The following ESAM variants were observed in gnomAD, a reference collection of about 807,000 sequenced individuals.
ESAM encodes the protein endothelial cell adhesion molecule.
ESAM carries 23 observed loss-of-function variants against 31.8 expected under a neutral mutation model. That is an observed-to-expected ratio of 0.72 (90% confidence interval 0.52 to 1.03). ESAM has a LOEUF of 1.03. Among genes scored for constraint, ESAM ranks in the 50% least tolerant of loss-of-function variants. ESAM has a pLI of 0.00. For synonymous variants in ESAM, 216 were observed against 207.2 expected (o/e 1.04, Z -0.37); for missense variants, 478 against 488.9 (o/e 0.98, Z 0.21).
rs1254340764 is a variant in ESAM at position 124,762,101 on chromosome 11, C to G, written c.54G>C (p.Leu18=). The change falls in exon 1 of 7, where the codon CTG becomes CTC. Residue 18 remains leucine (L), a synonymous_variant. Transcript: ENST00000278927. The surrounding 1 kb of genome is among the most constrained non-coding windows in gnomAD (Gnocchi z 6.4). ...TTCACTCACCGAGGGCACTCAGCCC[C>G]AGGAACAAAAACCGCAGCAAGTTGG... is the stretch of plus-strand genomic sequence containing the variant. The part of the protein sequence containing the change: ...LVTNLLRFLF[L]GLSALAPPSR... 1.2e-6 allele frequency: 2 copies of G among 1,610,260 alleles called. No individual in the cohort carries two copies. The highest frequency in any genetic ancestry group is 3.3e-5 in the Admixed American group (2 of 59,848).
Position 124,758,418 on chromosome 11 carries a change from C to T in ESAM, c.180G>A (p.Val60=). The change falls in exon 2 of 7, where the codon GTG becomes GTA. Residue 60 remains valine (V), a synonymous_variant. Transcript: ENST00000278927. ...GCACCTCCCATGGCTGGGATGAAGACACCTCCCCGTGCAAGGTGTACCACG... is the reference window on the plus strand; with the variant it reads ...GCACCTCCCATGGCTGGGATGAAGATACCTCCCCGTGCAAGGTGTACCACG... ...LPAWYTLHGE[V]SSSQPWEVPF... is the part of the protein sequence containing the mutation. 6.2e-7 allele frequency: 1 copy of T among 1,614,142 alleles called. No individual in the cohort carries two copies. Among genetic ancestry groups the T allele is most frequent in the Non-Finnish European group, 8.5e-7 (1 of 1,180,020 alleles).
At chr11:124,760,122 T>C (rs1008405283) in intron 1 of ESAM, among the ~76,000 whole-genome samples, 5 of 152,198 alleles carry the variant, frequency 3.3e-5, no homozygotes, top group African/African-American at 9.6e-5. Context: ...TTAAAAGAGA[T>C]AGTAACGGAC....
Position 124,754,051 on chromosome 11 carries a change from C to A in ESAM, c.858-90G>T. ...TGCTTGGTCTTATATACCACCTCTGCCTGCACACTTCAGTACTCCTTTCCC... is the reference window on the plus strand; with the variant it reads ...TGCTTGGTCTTATATACCACCTCTGACTGCACACTTCAGTACTCCTTTCCC... On this transcript the variant is annotated intron_variant, in intron 6 of 6. Transcript: ENST00000278927. The surrounding 1 kb of genome is among the most constrained non-coding windows in gnomAD (Gnocchi z 4.5). 6.4e-7 allele frequency: 1 copy of A among 1,560,978 alleles called. No individual in the cohort carries two copies. The highest frequency in any genetic ancestry group is 1.2e-5 in the South Asian group (1 of 84,128).
At position 124,754,025 on chromosome 11, in the gene ESAM, C is replaced by T. The variant is rs1303262044; in HGVS notation, c.858-64G>A. On this transcript the variant is annotated intron_variant, in intron 6 of 6. Transcript: ENST00000278927. This position sits in a 1 kb window ranked among gnomAD's most constrained non-coding sequence, Gnocchi z 4.5. ...GGGGGAAGGAGGAGAGAGTTTCTAC[C>T]TGCTTGGTCTTATATACCACCTCTG... 6.3e-7 allele frequency: 1 copy of T among 1,585,792 alleles called. No homozygotes were observed. Among genetic ancestry groups the T allele is most frequent in the East Asian group, 2.2e-5 (1 of 44,652 alleles).
rs1944159374 is a variant in ESAM, at chr11:124,756,684, G to A, written c.308C>T (p.Ser103Phe). The A allele has an allele frequency of 2.5e-6, 4 of 1,614,164 alleles. No individual in the cohort carries two copies. Among genetic ancestry groups the A allele is most frequent in the Non-Finnish European group, 3.4e-6 (4 of 1,180,038 alleles). The change falls in exon 3 of 7, where the codon TCC becomes TTC. Residue 103 changes from serine (S) to phenylalanine (F), a missense_variant. Physicochemically the swap from Ser to Phe is radical, Grantham distance 155. Transcript: ENST00000278927. ...TSKPGVSLVY[S>F]MPSRNLSLRL... ...CAGGGACAGGTTCCGGGAGGGCATG[G>A]AGTAGACCAAGGATACTCCAGGTTT...
In ESAM at chr11:124,759,750, T is replaced by C. The variant is rs955773691; in HGVS notation, c.71-1223A>G. On this transcript the variant is annotated intron_variant, in intron 1 of 6. Transcript: ENST00000278927. The surrounding 1 kb of genome is among the most constrained non-coding windows in gnomAD (Gnocchi z 6.8). ...TCGCAGCATCCCCCTTCCCATTTCC[T>C]GGAGGATCTCTGTGGTCTGGGCAGG... 6.6e-6 allele frequency among the ~76,000 whole-genome samples: 1 copy of C among 152,068 alleles called. No individual in the cohort carries two copies. The highest frequency in any genetic ancestry group is 2.4e-5 in the African/African-American group (1 of 41,406).
At chr11:124,758,624 G>A in intron 1 of ESAM, 97 bp from the exon 2 acceptor site, 1 of 1,371,744 alleles carries the variant, frequency 7.3e-7, no homozygotes, top group South Asian at 1.5e-5. Flanking sequence ...GAGGAAAGTC[G>A]CTTTAACTGG....
In ESAM at chr11:124,753,933, G is replaced by T. The variant is rs773915729; in HGVS notation, c.886C>A (p.Pro296Thr). ...ATTGTGTCTGAGCTCTTGGGCCAGG[G>T]CAGGGTCCGGGGAGCAATGGCATCC... Reference protein sequence around the residue: ...KEDAIAPRTLPWPKSSDTISK... With the variant: ...KEDAIAPRTLTWPKSSDTISK... The change falls in exon 7 of 7, where the codon CCC becomes ACC. Residue 296 changes from proline (P) to threonine (T), a missense_variant. By Grantham distance (38) the Pro-to-Thr change is conservative. Coordinates refer to ENST00000278927, the MANE Select transcript of ESAM (RefSeq NM_138961.3). 4.0e-5 allele frequency: 64 copies of T among 1,613,802 alleles called. No individual in the cohort carries two copies. The highest frequency in any genetic ancestry group is 5.3e-5 in the Non-Finnish European group (63 of 1,180,014).
At position 124,758,631 on chromosome 11, in the gene ESAM, C is replaced by A. The variant is rs1944186947; in HGVS notation, c.71-104G>T. ...CAGAGAGCGAGGAAAGTCGCTTTAA[C>A]TGGAAAGAGGAACCTTGCGGGGTCC... On this transcript the variant is annotated intron_variant, in intron 1 of 6. Coordinates refer to ENST00000278927, the MANE Select transcript of ESAM (RefSeq NM_138961.3). 6 of 1,353,608 alleles carry A rather than the reference C, an allele frequency of 4.4e-6. No individual in the cohort carries two copies. The East Asian group carries it at 1.6e-4, about 35-fold the overall frequency. 83.8% of individuals were successfully genotyped at this position (1,353,608 alleles called of 1,614,324 possible).
At chr11:124,761,711 G>C (rs1392789119) in intron 1 of ESAM, among the ~76,000 whole-genome samples, 2 of 150,072 alleles carry the variant, frequency 1.3e-5, no homozygotes, top group Non-Finnish European at 3.0e-5. Context: ...GATGAGAGGG[G>C]GCTAGAGTTA....
Position 124,756,575 on chromosome 11 carries a change from G to A in ESAM, c.417C>T (p.Gly139=), listed in dbSNP as rs749002095. Residue 139 remains glycine (G), a synonymous_variant, in exon 3 of 7, where the codon GGC becomes GGT. Transcript: ENST00000278927. The stretch of plus-strand genomic sequence containing the variant: ...TGAGTTCTAAGGTTTTGATGCTGTG[G>A]CCCCTAGATTTGCCTTGTTTGTCTT... ...NVQDKQGKSR[G]HSIKTLELNV... The A allele has an allele frequency of 1.2e-6, 2 of 1,614,070 alleles. No homozygotes were observed. Among genetic ancestry groups the A allele is most frequent in the South Asian group, 2.2e-5 (2 of 91,080 alleles).
intron 3 of ESAM, 40 bp from the exon 4 acceptor site, chr11:124,756,402 C>T: frequency 3.8e-6 from 6 of 1,564,352 alleles, no homozygotes; most frequent in Non-Finnish European, 5.2e-6. Flanking sequence ...ACCCAGGAGA[C>T]CCACAGATCC....
In ESAM at chr11:124,753,728, C is replaced by A; in HGVS notation, c.1091G>T (p.Gly364Val). 6.2e-7 allele frequency: 1 copy of A among 1,614,150 alleles called. No homozygotes were observed. Residue 364 changes from glycine (G) to valine (V), a missense_variant, in exon 7 of 7, where the codon GGG becomes GTG. Transcript: ENST00000278927. ...HPQPISPIPGGVSSSGLSRMG... is the reference protein window; with the variant it reads ...HPQPISPIPGVVSSSGLSRMG... ...GCGGCTCAAGCCAGAGGAAGAAACC[C>A]CACCAGGGATGGGGGATATTGGTTG... is the stretch of plus-strand genomic sequence containing the variant.
At chr11:124,761,969 G>C in intron 1 of ESAM, 116 bp downstream of exon 1, 1 of 919,834 alleles carries the variant, frequency 1.1e-6, no homozygotes, top group Non-Finnish European at 1.7e-6. Context: ...TAGGAGGTCA[G>C]GGGAGGAGGG....
At position 124,753,465 on chromosome 11, in the gene ESAM, CCTT is replaced by C. The variant is rs1471855428; in HGVS notation, c.*178_*180del. 7 of 656,304 alleles carry C rather than the reference CCTT, an allele frequency of 1.1e-5. No individual in the cohort carries two copies. The highest frequency in any genetic ancestry group is 1.8e-5 in the African/African-American group (1 of 54,150). The allele number at this position is 656,304 out of a possible 1,614,324, so 40.7% of individuals were successfully genotyped here. A position where few individuals can be genotyped will look rare whatever the true frequency, so the allele number is the denominator to read the frequency against. On this transcript the variant is annotated 3_prime_UTR_variant, in exon 7 of 7. Transcript: ENST00000278927. ...CAATTCCAGATCCACTTCCTCTTCT[CCTT>C]CTGTCTCCTGGACACTTAGGTCTTA...
At position 124,754,432 on chromosome 11, in the gene ESAM, C is replaced by T; in HGVS notation, c.731-92G>A. The stretch of plus-strand genomic sequence containing the variant: ...TCTCCCCACCCCATCTGCCACCATA[C>T]ACATTCCCTCTTTTTCCCTGTCAAG... On this transcript the variant is annotated intron_variant, in intron 5 of 6. Transcript: ENST00000278927. This position sits in a 1 kb window ranked among gnomAD's most constrained non-coding sequence, Gnocchi z 4.5. The T allele has an allele frequency of 3.9e-6, 6 of 1,533,262 alleles. No individual in the cohort carries two copies. The highest frequency in any genetic ancestry group is 1.3e-5 in the South Asian group (1 of 79,080). 95.0% of individuals were successfully genotyped at this position (1,533,262 alleles called of 1,614,324 possible). A position where few individuals can be genotyped will look rare whatever the true frequency, so the allele number is the denominator to read the frequency against.
chr11:124,756,945 T>C, intron 2 of ESAM: 1 of 591,010 alleles, frequency 1.7e-6, no homozygotes. Context: ...GAACAGTTCT[T>C]CGTTCCTGCG....
In ESAM at chr11:124,753,662, G is replaced by A. The variant is rs114481311; in HGVS notation, c.1157C>T (p.Ala386Val). Residue 386 changes from alanine (A) to valine (V), a missense_variant, in exon 7 of 7, where the codon GCT becomes GTT. Ala to Val is a moderately conservative substitution (Grantham distance 64). Coordinates refer to ENST00000278927, the MANE Select transcript of ESAM (RefSeq NM_138961.3). ...VPVMVPAQSQAGSLV is the reference protein window; with the variant it reads ...VPVMVPAQSQVGSLV ...GTGGGGTCATCATACCAGAGAGCCA[G>A]CTTGACTCTGGGCAGGCACCATCAC... 2.3e-4 allele frequency: 379 copies of A among 1,613,738 alleles called. 2 individuals are homozygous for A. The East Asian group carries it at 6.0e-3, about 26-fold the overall frequency.
At position 124,753,253 on chromosome 11, in the gene ESAM, T is replaced by G. The variant is rs1041482569; in HGVS notation, c.*393A>C. 5.0e-6 allele frequency: 1 copy of G among 200,998 alleles called. No individual in the cohort carries two copies. The highest frequency in any genetic ancestry group is 2.3e-5 in the African/African-American group (1 of 42,970). The allele number at this position is 200,998 out of a possible 1,614,324, so 12.5% of individuals were successfully genotyped here. ...CCAGTAAAACCTAACCAAGCCAGCC[T>G]GACAGGTTATATCAATACAGGGAGC... is the stretch of plus-strand genomic sequence containing the variant. On this transcript the variant is annotated 3_prime_UTR_variant, in exon 7 of 7. Transcript: ENST00000278927.
Sources: allele counts gnomAD v4.1 joint callset (sites outside exome capture counted in the v4.1 genomes callset), GRCh38; gene constraint gnomAD v4.1.1; non-coding constraint Gnocchi (gnomAD v3.1); transcripts MANE v1.5; gene names NCBI Gene and HGNC (gene_info 2026-07-23, HGNC 2026-07-21).